ANO4: variants seen among roughly 807,000 people sequenced by gnomAD.
The protein encoded by ANO4 is anoctamin 4.
In ANO4, 69 loss-of-function variants were observed where a neutral mutation model predicts 141.9. The observed-to-expected ratio is 0.49, with a 90% CI of 0.40 to 0.59. The LOEUF (loss-of-function observed/expected upper bound fraction) is 0.59. Among genes scored for constraint, ANO4 ranks in the 20% least tolerant of loss-of-function variants. The probability of loss-of-function intolerance (pLI) is 0.00; values close to 1 mark genes in which losing one functional copy is unlikely to be tolerated. For missense variants in ANO4, 894 were observed against 1,162.2 expected (o/e 0.77, Z 3.36); for synonymous variants, 350 against 394.3 (o/e 0.89, Z 1.33).
intron 14 of ANO4, among the ~76,000 whole-genome samples, chr12:101,067,501 A>G (rs2048641597): frequency 6.6e-6 from 1 of 152,214 alleles, no homozygotes; most frequent in Non-Finnish European, 1.5e-5. Context: ...AGGCAACATC[A>G]TGAGACCTTG....
At chr12:100,749,830 C>G (rs1308472814) in intron 3 of ANO4, among the ~76,000 whole-genome samples, 1 of 152,194 alleles carries the variant, frequency 6.6e-6, no homozygotes, top group Non-Finnish European at 1.5e-5. Context: ...GTGTGGTCCA[C>G]AAGAGCTAAG....
chr12:100,765,948 A>G (rs754789538), intron 3 of ANO4, among the ~76,000 whole-genome samples: 22 of 152,040 alleles, frequency 1.4e-4, no homozygotes, highest in African/African-American at 5.3e-4. Context: ...TCCGGTCACC[A>G]TGCTATATAA....
intron 1 of ANO4, among the ~76,000 whole-genome samples, chr12:100,827,794 A>T (rs1380456750): frequency 6.6e-6 from 1 of 152,034 alleles, no homozygotes; most frequent in African/African-American, 2.4e-5. Context: ...GCCATTGCAG[A>T]TGCAGAGGCC....
chr12:101,021,826 G>A (rs766842740), intron 9 of ANO4, among the ~76,000 whole-genome samples: 50 of 151,968 alleles, frequency 3.3e-4, no homozygotes, highest in Non-Finnish European at 6.0e-4. Flanking sequence ...ATTTACATTT[G>A]TTCGAATAGA....
intron 1 of ANO4, among the ~76,000 whole-genome samples, chr12:100,841,998 C>T (rs542170035): frequency 1.2e-3 from 171 of 145,764 alleles, no homozygotes; most frequent in African/African-American, 4.2e-3. Flanking sequence ...CCAACACTGG[C>T]ACATGTCTCA....
At chr12:100,744,925 A>T in intron 3 of ANO4, among the ~76,000 whole-genome samples, 1 of 149,398 alleles carries the variant, frequency 6.7e-6, no homozygotes, top group Non-Finnish European at 1.5e-5. Flanking sequence ...ACTCCCCCTC[A>T]CTTTCTGTCT....
intron 3 of ANO4, among the ~76,000 whole-genome samples, chr12:100,928,218 G>A (rs1442506211): frequency 6.6e-6 from 1 of 152,070 alleles, no homozygotes. Context: ...AGATAATCTT[G>A]TCTGGCAATT....
At chr12:100,887,766 T>G (rs1000905250) in intron 1 of ANO4, among the ~76,000 whole-genome samples, 3 of 152,214 alleles carry the variant, frequency 2.0e-5, no homozygotes, top group Non-Finnish European at 4.4e-5. Context: ...AAGAACCTTT[T>G]CCCCAAGGTA....
chr12:100,890,069 T>G (rs1331756330), intron 1 of ANO4, among the ~76,000 whole-genome samples: 1 of 151,846 alleles, frequency 6.6e-6, no homozygotes, highest in Non-Finnish European at 1.5e-5. Context: ...GTTATGTCAG[T>G]ATTAATTATA....
At chr12:101,065,259 T>C (rs2048532513) in intron 14 of ANO4, among the ~76,000 whole-genome samples, 1 of 152,018 alleles carries the variant, frequency 6.6e-6, no homozygotes. Flanking sequence ...AATATATATA[T>C]AAGGTTCAGT....
At chr12:100,938,990 A>G (rs945685504) in intron 3 of ANO4, among the ~76,000 whole-genome samples, 1 of 152,228 alleles carries the variant, frequency 6.6e-6, no homozygotes, top group Non-Finnish European at 1.5e-5. Context: ...GAAGTCTTAA[A>G]TCAAAGTACC....
At position 100,727,238 on chromosome 12, in the gene ANO4, C is replaced by G. The variant is rs2031173961; in HGVS notation, c.23-6536C>G. The stretch of plus-strand genomic sequence containing the variant: ...GTGTTTTTACTAAAATTTTTCTTGC[C>G]CAAGCAATCAGTTATTAAGTATGTT... On this transcript the variant is annotated intron_variant, in intron 1 of 29. Coordinates refer to the ANO4 transcript ENST00000644049. 2.0e-5 allele frequency among the ~76,000 whole-genome samples: 3 copies of G among 151,996 alleles called. No homozygotes were observed. The South Asian group carries it at 6.2e-4, about 31-fold the overall frequency.
At chr12:101,111,383 A>G (rs1807352651) in intron 23 of ANO4, among the ~76,000 whole-genome samples, 180 bp from the exon 24 acceptor site, 1 of 152,162 alleles carries the variant, frequency 6.6e-6, no homozygotes, top group South Asian at 2.1e-4. Context: ...AGACACTCCC[A>G]TAGAAACTCC....
chr12:100,814,829 C>G (rs1457154145), intron 1 of ANO4, among the ~76,000 whole-genome samples: 1 of 152,118 alleles, frequency 6.6e-6, no homozygotes, highest in Non-Finnish European at 1.5e-5. Context: ...CCTTATTGAA[C>G]TTGACATTAT....
At chr12:101,065,303 G>A (rs557227502) in intron 14 of ANO4, among the ~76,000 whole-genome samples, 4 of 152,078 alleles carry the variant, frequency 2.6e-5, no homozygotes, top group African/African-American at 4.8e-5. Context: ...GTCTTGGAAT[G>A]TATTACCTGT....
At chr12:101,061,536 G>GT (rs1566191894) in intron 14 of ANO4, among the ~76,000 whole-genome samples, 1 of 151,774 alleles carries the variant, frequency 6.6e-6, no homozygotes, top group African/African-American at 2.4e-5. Flanking sequence ...TGTAGGTTTG[G>GT]TTTTTTCACA....
intron 7 of ANO4, among the ~76,000 whole-genome samples, chr12:100,986,692 G>T (rs1375631154): frequency 6.6e-6 from 1 of 152,192 alleles, no homozygotes; most frequent in Non-Finnish European, 1.5e-5. Flanking sequence ...ATTTTTTCCA[G>T]TAGTATAGAC....
intron 8 of ANO4, among the ~76,000 whole-genome samples, chr12:101,016,313 T>A (rs546174368): frequency 6.6e-6 from 1 of 152,152 alleles, no homozygotes; most frequent in African/African-American, 2.4e-5. Flanking sequence ...GCATGTCAGA[T>A]GGCAAGAGTG....
At chr12:100,815,966 G>A (rs1455630256) in intron 1 of ANO4, among the ~76,000 whole-genome samples, 2 of 152,026 alleles carry the variant, frequency 1.3e-5, no homozygotes, top group East Asian at 1.9e-4. Flanking sequence ...TTATCAGGTA[G>A]GATCTATGGA....
Sources: allele counts gnomAD v4.1 joint callset (sites outside exome capture counted in the v4.1 genomes callset), GRCh38; gene constraint gnomAD v4.1.1; transcripts MANE v1.5; gene names NCBI Gene and HGNC (gene_info 2026-07-23, HGNC 2026-07-21).